The following ADGRB1 variants were observed in gnomAD, a reference collection of about 807,000 sequenced individuals.
ADGRB1 encodes brain-specific angiogenesis inhibitor 1.
ADGRB1 carries 36 observed loss-of-function variants against 175.7 expected under a neutral mutation model. That is an observed-to-expected ratio of 0.20 (90% CI 0.16 to 0.27). ADGRB1 has a LOEUF of 0.27. Among genes scored for constraint, ADGRB1 ranks in the 10% least tolerant of loss-of-function variants. The pLI is 1.00. For missense variants in ADGRB1, 1,731 were observed against 2,255.3 expected, an observed-to-expected ratio of 0.77 and a Z score of 4.71; for synonymous variants, 1,054 against 979.4, an observed-to-expected ratio of 1.08 and a Z score of -1.42.
rs1268397074 is a variant in ADGRB1 at position 142,492,865 on chromosome 8, C to T, written c.2675+2050C>T. On this transcript the variant is annotated intron_variant, in intron 17 of 30. Coordinates refer to ENST00000517894, the MANE Select transcript of ADGRB1 (RefSeq NM_001702.3). The surrounding 1 kb of genome is among the most constrained non-coding windows in gnomAD (Gnocchi z 4.4). The stretch of plus-strand genomic sequence containing the variant: ...GCAGGTGGGTCTCTCACCCCCACAG[C>T]CCCAGCACTTCCACCAGCACAGGCC... Among the ~76,000 whole-genome samples the T allele has an allele frequency of 6.6e-6, 1 of 152,044 alleles. No individual in the cohort carries two copies. Among genetic ancestry groups the T allele is most frequent in the Non-Finnish European group, 1.5e-5 (1 of 67,982 alleles).
rs1303179433 is a variant in ADGRB1 at position 142,478,161 on chromosome 8, C to T, written c.1388-26C>T. 8.8e-6 allele frequency: 14 copies of T among 1,586,640 alleles called. No homozygotes were observed. The East Asian group carries it at 3.2e-4, about 37-fold the overall frequency. Reference sequence around the variant, plus strand: ...CATTGGGGTGCCGGGTGTTCACGCCCACTTTGTGTCTCCTTCCTCCCCCGG... The same window carrying T: ...CATTGGGGTGCCGGGTGTTCACGCCTACTTTGTGTCTCCTTCCTCCCCCGG... On this transcript the variant is annotated intron_variant, in intron 6 of 30. Coordinates refer to ENST00000517894, the MANE Select transcript of ADGRB1 (RefSeq NM_001702.3).
chr8:142,479,640 G>T (rs113565610), intron 8 of ADGRB1, 53 bp from the exon 9 acceptor site: 650 of 66,484 alleles, frequency 9.8e-3, no homozygotes, highest in African/African-American at 0.054. Context: ...TCCAGAGCCA[G>T]CTGCCGGCTC....
chr8:142,484,066 G>C (rs200645531), intron 12 of ADGRB1, 21 bp downstream of exon 12: 4 of 1,601,784 alleles, frequency 2.5e-6, no homozygotes, highest in African/African-American at 1.4e-5. Flanking sequence ...GGGCCCCTAC[G>C]GTCAGCAGCC....
chr8:142,529,657 T>A (rs1196712897), intron 24 of ADGRB1, among the ~76,000 whole-genome samples: 2 of 148,498 alleles, frequency 1.3e-5, no homozygotes, highest in East Asian at 4.1e-4. Flanking sequence ...TATGCGTGTG[T>A]GAGTGTGCAT....
intron 11 of ADGRB1, 24 bp from the exon 12 acceptor site, chr8:142,483,953 G>A: frequency 6.2e-7 from 1 of 1,612,346 alleles, no homozygotes; most frequent in Non-Finnish European, 8.5e-7. Flanking sequence ...CTCTGTCACT[G>A]GCCCTTCTTC....
chr8:142,522,530 G>A, intron 21 of ADGRB1, 111 bp from the exon 22 acceptor site: 1 of 1,072,022 alleles, frequency 9.3e-7, no homozygotes, highest in Non-Finnish European at 1.3e-6. Flanking sequence ...CTCTGTTGGG[G>A]GCTTCAGAAG....
intron 24 of ADGRB1, among the ~76,000 whole-genome samples, chr8:142,528,012 C>T (rs1844317725): frequency 6.6e-6 from 1 of 152,192 alleles, no homozygotes; most frequent in Non-Finnish European, 1.5e-5. Flanking sequence ...GCACACAGCC[C>T]AGGAGCGCAC....
At position 142,469,317 on chromosome 8, in the gene ADGRB1, ATG is replaced by A. The variant is rs571016177; in HGVS notation, c.784+4340_784+4341del. Among the ~76,000 whole-genome samples, 233 of 134,158 alleles carry A rather than the reference ATG, an allele frequency of 1.7e-3. 1 individual carries two copies. The South Asian group carries it at 0.018, about 10-fold the overall frequency. The allele number at this position is 134,158 out of a possible 152,430, so 88.0% of individuals were successfully genotyped here. On this transcript the variant is annotated intron_variant, in intron 2 of 30. Coordinates refer to ENST00000517894, the MANE Select transcript of ADGRB1 (RefSeq NM_001702.3). ...TGCACGCGTGCATGTGTGAATGTAA[ATG>A]TGTGCACATGCATGTGTGTGAATGT...
chr8:142,508,132 G>C (rs1484019190), intron 17 of ADGRB1, among the ~76,000 whole-genome samples: 4 of 152,166 alleles, frequency 2.6e-5, no homozygotes, highest in Admixed American at 1.3e-4. Context: ...GTCTGCAAGG[G>C]ACTGTCAGAG....
intron 25 of ADGRB1, 56 bp downstream of exon 25, chr8:142,533,522 G>A: frequency 6.6e-7 from 1 of 1,518,176 alleles, no homozygotes; most frequent in East Asian, 2.3e-5. Context: ...GGGCTGCCGA[G>A]TGGCCTCCTC....
In ADGRB1 at chr8:142,537,591, T is replaced by A. The variant is rs1845010379; in HGVS notation, c.3666+509T>A. Among the ~76,000 whole-genome samples, 1 of 151,764 alleles carries A rather than the reference T, an allele frequency of 6.6e-6. No individual in the cohort carries two copies. The highest frequency in any genetic ancestry group is 6.6e-5 in the Admixed American group (1 of 15,248). ...CAGTCCTCAGCCCCTGCAGGGTGAC[T>A]CTCCCTTGTGGCCCCTGGCCATCCT... On this transcript the variant is annotated intron_variant, in intron 26 of 30. Transcript: ENST00000517894. This position sits in a 1 kb window ranked among gnomAD's most constrained non-coding sequence, Gnocchi z 4.6.
At chr8:142,529,849 C>T (rs1425181945) in intron 24 of ADGRB1, among the ~76,000 whole-genome samples, 1 of 147,568 alleles carries the variant, frequency 6.8e-6, no homozygotes, top group Non-Finnish European at 1.5e-5. Flanking sequence ...TGTGAGTGTG[C>T]ATCTGTGTGG....
Position 142,492,948 on chromosome 8 carries a change from G to A in ADGRB1, c.2675+2133G>A, listed in dbSNP as rs889328029. ...CTGTTCGCCGGCCGCGGCAGCTCTCGGGGGGCTGCGCCCTGGTTCACTCAA... is the reference window on the plus strand; with the variant it reads ...CTGTTCGCCGGCCGCGGCAGCTCTCAGGGGGCTGCGCCCTGGTTCACTCAA... On this transcript the variant is annotated intron_variant, in intron 17 of 30. Transcript: ENST00000517894. This position sits in a 1 kb window ranked among gnomAD's most constrained non-coding sequence, Gnocchi z 4.4. Among the ~76,000 whole-genome samples, 1 of 152,024 alleles carries A rather than the reference G, an allele frequency of 6.6e-6. No homozygotes were observed. Among genetic ancestry groups the A allele is most frequent in the Admixed American group, 6.6e-5 (1 of 15,262 alleles).
rs374690880 is a variant in ADGRB1 at position 142,525,691 on chromosome 8, C to G, written c.3313-851C>G. On this transcript the variant is annotated intron_variant, in intron 23 of 30. Transcript: ENST00000517894. Reference sequence around the variant, plus strand: ...CTGGAGGGCTACACGGTCTACCACCCTGGTCTTCTGGACGTGAAATGCCTG... The same window carrying G: ...CTGGAGGGCTACACGGTCTACCACCGTGGTCTTCTGGACGTGAAATGCCTG... 2.3e-3 allele frequency among the ~76,000 whole-genome samples: 355 copies of G among 152,318 alleles called. 5 individuals are homozygous for G. Among genetic ancestry groups the G allele is most frequent in the African/African-American group, 7.9e-3 (328 of 41,564 alleles).
intron 1 of ADGRB1, among the ~76,000 whole-genome samples, chr8:142,451,345 T>A (rs1839338949): frequency 6.6e-6 from 1 of 151,978 alleles, no homozygotes; most frequent in Non-Finnish European, 1.5e-5. Flanking sequence ...CCTTTCCACT[T>A]TTATTTTGGG....
rs955638663 is a variant in ADGRB1 at position 142,455,435 on chromosome 8, G to C, written c.-220+5331G>C. Among the ~76,000 whole-genome samples, 4 of 152,144 alleles carry C rather than the reference G, an allele frequency of 2.6e-5. No homozygotes were observed. The East Asian group carries it at 7.8e-4, about 30-fold the overall frequency. On this transcript the variant is annotated intron_variant, in intron 1 of 30. Transcript: ENST00000517894. This position sits in a 1 kb window ranked among gnomAD's most constrained non-coding sequence, Gnocchi z 4.9. ...TGGTCAGGGGAAGGGCACGACAGAA[G>C]TCCTCTCTGCAGCTTCGCTGTCAGG...
At chr8:142,457,728 T>A (rs1839757608) in intron 1 of ADGRB1, among the ~76,000 whole-genome samples, 1 of 152,122 alleles carries the variant, frequency 6.6e-6, no homozygotes, top group South Asian at 2.1e-4. Context: ...GGTCACCCTG[T>A]CGGGGGGAGG....
intron 19 of ADGRB1, among the ~76,000 whole-genome samples, chr8:142,519,906 G>A (rs1360208619): frequency 6.7e-6 from 1 of 148,782 alleles, no homozygotes; most frequent in Non-Finnish European, 1.5e-5. Context: ...GTTGGTGTTG[G>A]TGGTGCTGGT....
intron 13 of ADGRB1, among the ~76,000 whole-genome samples, chr8:142,485,097 C>A (rs1841596770): frequency 6.6e-6 from 1 of 152,236 alleles, no homozygotes; most frequent in East Asian, 1.9e-4. Context: ...GCTGTGCAAG[C>A]CACACTTTCC....
Sources: allele counts gnomAD v4.1 joint callset (sites outside exome capture counted in the v4.1 genomes callset), GRCh38; gene constraint gnomAD v4.1.1; non-coding constraint Gnocchi (gnomAD v3.1); transcripts MANE v1.5; gene names NCBI Gene and HGNC (gene_info 2026-07-23, HGNC 2026-07-21).